Variants in FAM118A observed in about 807,000 individuals in gnomAD.
FAM118A encodes protein FAM118A.
Under a neutral mutation model 38.2 loss-of-function variants are expected in FAM118A, and 25 were observed. That is an observed-to-expected ratio of 0.65 (90% CI 0.48 to 0.91). The LOEUF (loss-of-function observed/expected upper bound fraction) is 0.91, where lower values mean the gene tolerates loss of function less well. Ranked by LOEUF, FAM118A falls within the 40% of genes least tolerant of loss-of-function variation. FAM118A has a pLI of 0.00. For synonymous variants in FAM118A, 178 were observed against 184.1 expected (o/e 0.97, Z 0.27); for missense variants, 425 against 463.3 (o/e 0.92, Z 0.76).
chr22:45,323,554 A>G (rs2085038755), intron 3 of FAM118A, 127 bp downstream of exon 3: 3 of 1,252,434 alleles, frequency 2.4e-6, no homozygotes, highest in East Asian at 4.8e-5. Context: ...CGGGCTGATG[A>G]GCCAGAAATC....
intron 3 of FAM118A, 34 bp downstream of exon 3, chr22:45,323,461 TTGGTTC>T (rs1569133611): frequency 6.2e-7 from 1 of 1,600,714 alleles, no homozygotes; most frequent in Non-Finnish European, 8.5e-7. Flanking sequence ...TGGGGACAGC[TTGGTTC>T]TGCAGCAGGT....
chr22:45,331,973 A>G (rs2085753073), intron 5 of FAM118A, among the ~76,000 whole-genome samples: 2 of 152,190 alleles, frequency 1.3e-5, no homozygotes, highest in Admixed American at 6.5e-5. Flanking sequence ...TGAGATCAAC[A>G]TTAATTTCAG....
At chr22:45,325,200 G>A (rs1327648134) in intron 3 of FAM118A, among the ~76,000 whole-genome samples, 1 of 152,196 alleles carries the variant, frequency 6.6e-6, no homozygotes, top group Non-Finnish European at 1.5e-5. Context: ...GAGACTGTTT[G>A]TCTAGAATGA....
chr22:45,322,505 T>A (rs943164671), intron 2 of FAM118A, 79 bp downstream of exon 2: 5 of 1,271,690 alleles, frequency 3.9e-6, no homozygotes, highest in Admixed American at 2.2e-5. Flanking sequence ...CACTCGTTCT[T>A]TAGTACCTGC....
chr22:45,321,710 G>A (rs578078199), intron 1 of FAM118A: 1 of 155,238 alleles, frequency 6.4e-6, no homozygotes, highest in African/African-American at 2.4e-5. Flanking sequence ...ACCATGCCTG[G>A]TCTGATTTTG....
At chr22:45,326,503 C>T (rs996612102) in intron 3 of FAM118A, among the ~76,000 whole-genome samples, 3 of 152,090 alleles carry the variant, frequency 2.0e-5, no homozygotes, top group Non-Finnish European at 4.4e-5. Context: ...GCCTGGGCAA[C>T]ATAGCGAGAC....
chr22:45,316,524 C>G (rs2084613197), intron 1 of FAM118A, among the ~76,000 whole-genome samples: 1 of 152,150 alleles, frequency 6.6e-6, no homozygotes. Context: ...GAGGGTCATG[C>G]TGGGAAGGGC....
chr22:45,332,740 CTTTCTTT>C (rs1282760225), intron 6 of FAM118A, 30 bp downstream of exon 6: 6 of 1,509,018 alleles, frequency 4.0e-6, no homozygotes, highest in Non-Finnish European at 5.3e-6. Context: ...TTTCCTTTTT[CTTTCTTT>C]TTTCTTTTTT....
rs547275414 is a variant in FAM118A at position 45,339,876 on chromosome 22, G to C, written c.1055-510G>C. Among the ~76,000 whole-genome samples the C allele has an allele frequency of 2.0e-3, 298 of 152,248 alleles. 1 individual carries two copies. The highest frequency in any genetic ancestry group is 3.5e-3 in the Non-Finnish European group (240 of 68,006). ...GGCAGGGGTTTTCTTCAATACCTGT[G>C]AGATCTGTGCTCCTAGACGCCATCA... On this transcript the variant is annotated intron_variant, in intron 8 of 8. Coordinates refer to ENST00000441876, the MANE Select transcript of FAM118A (RefSeq NM_017911.4).
chr22:45,337,857 G>T (rs540634759), intron 8 of FAM118A: 16 of 985,226 alleles, frequency 1.6e-5, no homozygotes, highest in Non-Finnish European at 1.9e-5. Context: ...CCTCATGCTC[G>T]CGGGAGTTTT....
At chr22:45,317,986 C>G (rs568137289) in intron 1 of FAM118A, among the ~76,000 whole-genome samples, 11 of 152,144 alleles carry the variant, frequency 7.2e-5, no homozygotes, top group Non-Finnish European at 1.0e-4. Context: ...GCATGAGGGG[C>G]GGGGCCATTA....
chr22:45,326,679 T>G (rs2146659124), intron 3 of FAM118A, among the ~76,000 whole-genome samples: 1 of 151,520 alleles, frequency 6.6e-6, no homozygotes, highest in South Asian at 2.1e-4. Context: ...ATACAAAAAT[T>G]AGCTGGGTGT....
chr22:45,320,829 G>A (rs1184822713), intron 1 of FAM118A, among the ~76,000 whole-genome samples: 1 of 152,196 alleles, frequency 6.6e-6, no homozygotes, highest in Non-Finnish European at 1.5e-5. Flanking sequence ...GTTTGGTGGT[G>A]TGTGCTAAGA....
chr22:45,325,666 G>A (rs74481430), intron 3 of FAM118A, among the ~76,000 whole-genome samples: 2 of 152,120 alleles, frequency 1.3e-5, no homozygotes, highest in Non-Finnish European at 2.9e-5. Flanking sequence ...TAACGATAAG[G>A]CCTTGGGGGC....
In FAM118A at chr22:45,332,550, C is replaced by T. The variant is rs1399661542; in HGVS notation, c.777C>T (p.His259=). 1 of 1,614,182 alleles carries T rather than the reference C, an allele frequency of 6.2e-7. No homozygotes were observed. Residue 259 remains histidine, a synonymous_variant, in exon 6 of 9, where the codon CAC becomes CAT. Coordinates refer to ENST00000441876, the MANE Select transcript of FAM118A (RefSeq NM_017911.4). ...YSVPNKVDLE[H]YMLVLKENED... ...TGCCGAATAAGGTGGATTTGGAGCA[C>T]TACATGCTTGTGCTGAAGGAGAATG...
Position 45,327,851 on chromosome 22 carries a change from G to T in FAM118A, c.310G>T (p.Asp104Tyr), listed in dbSNP as rs770117852. 1.2e-6 allele frequency: 2 copies of T among 1,614,214 alleles called. No homozygotes were observed. Among genetic ancestry groups the T allele is most frequent in the East Asian group, 2.2e-5 (1 of 44,892 alleles). Residue 104 changes from aspartate (D) to tyrosine (Y), a missense_variant, in exon 4 of 9, where the codon GAT becomes TAT. Coordinates refer to ENST00000441876, the MANE Select transcript of FAM118A (RefSeq NM_017911.4). ...LIRKMSPRTG[D>Y]AKPSFFQDCL... ...TTCCACCTTTTTGTAGCGCACAGGC[G>T]ATGCCAAGCCCAGCTTCTTCCAGGA...
At chr22:45,321,927 G>A in intron 1 of FAM118A, 1 of 304,656 alleles carries the variant, frequency 3.3e-6, no homozygotes. Context: ...GCACCTTAGA[G>A]CACTCGTTGG....
In FAM118A at chr22:45,321,895, C is replaced by T. The variant is rs758949479; in HGVS notation, c.-9-476C>T. On this transcript the variant is annotated intron_variant, in intron 1 of 8. Coordinates refer to ENST00000441876, the MANE Select transcript of FAM118A (RefSeq NM_017911.4). ...GAGCTGGTGCCGATGCTGAGGATGG[C>T]CATGCTCCAGTCCAGTGCTCTGCAC... The T allele has an allele frequency of 5.2e-4, 100 of 194,054 alleles. No individual in the cohort carries two copies. In the Middle Eastern group the frequency reaches 0.019, roughly 36 times the overall value. 12.0% of individuals were successfully genotyped at this position (194,054 alleles called of 1,614,324 possible). A position where few individuals can be genotyped will look rare whatever the true frequency, so the allele number is the denominator to read the frequency against.
At chr22:45,317,693 C>T (rs1270727860) in intron 1 of FAM118A, among the ~76,000 whole-genome samples, 2 of 152,230 alleles carry the variant, frequency 1.3e-5, no homozygotes, top group Admixed American at 6.5e-5. Context: ...GCCCAGGTCC[C>T]GGCCCAGCAG....
Sources: gnomAD v4.1 joint callset for allele counts (sites outside exome capture counted in the v4.1 genomes callset) on GRCh38, gnomAD v4.1.1 for gene constraint, MANE v1.5 for transcripts, NCBI Gene and HGNC (gene_info 2026-07-23, HGNC 2026-07-21) for gene names.